SPPL2B: variants seen among roughly 807,000 people sequenced by gnomAD.
SPPL2B encodes signal peptide peptidase-like 2B.
In SPPL2B, 39 loss-of-function variants were observed where a neutral mutation model predicts 59.7. The observed-to-expected ratio is 0.65, with a 90% CI of 0.51 to 0.85. The LOEUF is 0.85. Among genes scored for constraint, SPPL2B ranks in the 40% least tolerant of loss-of-function variants. SPPL2B has a pLI of 0.00. For missense variants in SPPL2B, 865 were observed against 849.0 expected (o/e 1.02, Z -0.23); for synonymous variants, 419 against 370.8 (o/e 1.13, Z -1.49).
At chr19:2,343,368 G>C (rs1412103109) in intron 9 of SPPL2B, 76 bp downstream of exon 9, 3 of 1,251,632 alleles carry the variant, frequency 2.4e-6, no homozygotes, top group Non-Finnish European at 3.4e-6. Context: ...CCCGTGTGGG[G>C]CTGTGGTCCT....
At position 2,344,537 on chromosome 19, in the gene SPPL2B, C is replaced by T. The variant is rs780062647; in HGVS notation, c.1177-16C>T. The T allele has an allele frequency of 1.2e-6, 2 of 1,607,386 alleles. No individual in the cohort carries two copies. Among genetic ancestry groups the T allele is most frequent in the African/African-American group, 1.3e-5 (1 of 74,768 alleles). On this transcript the variant is annotated splice_polypyrimidine_tract_variant and intron_variant, in intron 11 of 14. Coordinates refer to ENST00000613503, the MANE Select transcript of SPPL2B (RefSeq NM_152988.3). ...TGAGGGTCCTGGAGGACATTGTCCT[C>T]TTCCCGTCTTTGCAGCTGCCCATGG...
chr19:2,341,243 A>G (rs1321184338), intron 8 of SPPL2B: 1 of 678,024 alleles, frequency 1.5e-6, no homozygotes, highest in Non-Finnish European at 2.7e-6. Flanking sequence ...CCGGGAGGAG[A>G]GGCCGGAGCC....
At position 2,353,152 on chromosome 19, in the gene SPPL2B, C is replaced by G; in HGVS notation, c.1722C>G (p.Ser574=). ...PMREPGSPAE[S]EGRDQAQPSP... ...GGGAGCCTGGGAGCCCAGCTGAATC[C>G]GAGGGCCGGGACCAGGCCCAGCCGT... The change falls in exon 15 of 15, where the codon TCC becomes TCG. Residue 574 remains serine (S), a synonymous_variant. Coordinates refer to ENST00000613503, the MANE Select transcript of SPPL2B (RefSeq NM_152988.3). The G allele has an allele frequency of 6.2e-7, 1 of 1,609,428 alleles. No homozygotes were observed.
chr19:2,339,426 G>C (rs1039177587), intron 5 of SPPL2B, among the ~76,000 whole-genome samples: 4 of 152,212 alleles, frequency 2.6e-5, no homozygotes, highest in African/African-American at 9.7e-5. Flanking sequence ...GTAGGGCTGG[G>C]CAGGTGTGGA....
chr19:2,339,749 G>C (rs1436258631), intron 5 of SPPL2B, 75 bp from the exon 6 acceptor site: 6 of 1,539,318 alleles, frequency 3.9e-6, no homozygotes, highest in African/African-American at 2.7e-5. Flanking sequence ...CCGTTCCCCC[G>C]GGTGGCTGTG....
chr19:2,344,158 C>A, intron 10 of SPPL2B, 119 bp downstream of exon 10: 1 of 511,154 alleles, frequency 2.0e-6, no homozygotes. Context: ...CGTCCCCCTC[C>A]ACCCCACACC....
At chr19:2,335,980 C>CATA (rs146667616) in intron 2 of SPPL2B, among the ~76,000 whole-genome samples, 25,192 of 152,094 alleles carry the variant, frequency 0.17, 2,547 homozygotes, top group African/African-American at 0.29. Context: ...TGTGTGAACA[C>CATA]ATAGGTGTGT....
chr19:2,345,998 TC>T (rs1969347960), intron 13 of SPPL2B, among the ~76,000 whole-genome samples: 1 of 152,268 alleles, frequency 6.6e-6, no homozygotes, highest in African/African-American at 2.4e-5. Context: ...TCTTTTCTTT[TC>T]CTTTTCTTTC....
intron 8 of SPPL2B, chr19:2,341,590 G>A (rs1969059889): frequency 2.2e-6 from 1 of 456,214 alleles, no homozygotes; most frequent in African/African-American, 2.0e-5. Context: ...TCCCCGCCCG[G>A]TCCCCACCGC....
intron 8 of SPPL2B, 28 bp downstream of exon 8, chr19:2,341,042 C>A: frequency 1.9e-6 from 3 of 1,543,010 alleles, no homozygotes; most frequent in Non-Finnish European, 2.7e-6. Flanking sequence ...CGGGCCCCGG[C>A]GGGCAGCGGA....
Position 2,353,275 on chromosome 19 carries a change from T to C in SPPL2B, c.*66T>C, listed in dbSNP as rs1357711593. On this transcript the variant is annotated 3_prime_UTR_variant, in exon 15 of 15. Coordinates refer to ENST00000613503, the MANE Select transcript of SPPL2B (RefSeq NM_152988.3). ...GATGTTGGGGCTGCCTGGCGCCCACTGGAGACAGACAGACAGACGCCTGTC... is the reference window on the plus strand; with the variant it reads ...GATGTTGGGGCTGCCTGGCGCCCACCGGAGACAGACAGACAGACGCCTGTC... The C allele has an allele frequency of 2.6e-6, 4 of 1,518,210 alleles. No homozygotes were observed. Among genetic ancestry groups the C allele is most frequent in the Non-Finnish European group, 3.5e-6 (4 of 1,137,938 alleles). The allele number at this position is 1,518,210 out of a possible 1,614,324, so 94.0% of individuals were successfully genotyped here.
intron 2 of SPPL2B, among the ~76,000 whole-genome samples, chr19:2,336,790 T>C (rs1968655153): frequency 7.0e-6 from 1 of 143,568 alleles, no homozygotes; most frequent in Non-Finnish European, 1.5e-5. Flanking sequence ...AGCCTGGCTG[T>C]GGGTGTGTGT....
At chr19:2,343,574 G>T (rs1410695192) in intron 9 of SPPL2B, among the ~76,000 whole-genome samples, 1 of 152,150 alleles carries the variant, frequency 6.6e-6, no homozygotes, top group East Asian at 1.9e-4. Flanking sequence ...GGAGGAACTG[G>T]CCTCAGGTGG....
chr19:2,351,705 C>G, intron 14 of SPPL2B, 111 bp downstream of exon 14: 1 of 1,426,282 alleles, frequency 7.0e-7, no homozygotes, highest in Middle Eastern at 1.9e-4. Flanking sequence ...CGCGACGGGG[C>G]TCAGGGTCCT....
chr19:2,338,910 G>A, intron 4 of SPPL2B, 69 bp downstream of exon 4: 1 of 1,545,904 alleles, frequency 6.5e-7, no homozygotes, highest in Admixed American at 1.8e-5. Flanking sequence ...CTGGCTGCCG[G>A]GGGGGTTTGT....
intron 14 of SPPL2B, 72 bp from the exon 15 acceptor site, chr19:2,352,874 T>C: frequency 6.5e-7 from 1 of 1,545,726 alleles, no homozygotes; most frequent in Non-Finnish European, 8.8e-7. Flanking sequence ...GGGTGCTGGG[T>C]GTCCTGGCCC....
chr19:2,333,421 C>A (rs967382643), intron 1 of SPPL2B, among the ~76,000 whole-genome samples: 10 of 152,190 alleles, frequency 6.6e-5, no homozygotes, highest in Non-Finnish European at 1.5e-4. Context: ...GCAGTGTCCG[C>A]CGTGGTCCCT....
chr19:2,336,038 A>G (rs1057060084), intron 2 of SPPL2B, among the ~76,000 whole-genome samples: 2 of 152,212 alleles, frequency 1.3e-5, no homozygotes, highest in Non-Finnish European at 2.9e-5. Context: ...GGTATGTGTG[A>G]AGACATGTGC....
intron 14 of SPPL2B, 119 bp from the exon 15 acceptor site, chr19:2,352,827 G>A: frequency 8.9e-7 from 1 of 1,122,792 alleles, no homozygotes; most frequent in Admixed American, 2.5e-5. Flanking sequence ...AGCCCCTGGG[G>A]ATGGCGCCTC....
Sources: allele counts gnomAD v4.1 joint callset (sites outside exome capture counted in the v4.1 genomes callset), GRCh38; gene constraint gnomAD v4.1.1; transcripts MANE v1.5; gene names NCBI Gene and HGNC (gene_info 2026-07-23, HGNC 2026-07-21).